The following SLIT3 variants were observed in gnomAD, a reference collection of about 807,000 sequenced individuals.
The protein encoded by SLIT3 is slit homolog 3 protein.
A neutral mutation model predicts 184.0 loss-of-function variants in SLIT3; 68 were observed. The observed-to-expected ratio is 0.37, with a 90% CI of 0.30 to 0.45. The LOEUF is 0.45. SLIT3 is among the 20% of genes least tolerant of loss of function. The probability of loss-of-function intolerance (pLI) is 1.00; values close to 1 mark genes in which losing one functional copy is unlikely to be tolerated. For missense variants in SLIT3, 1,707 were observed against 2,026.0 expected, an observed-to-expected ratio of 0.84 and a Z score of 3.02; for synonymous variants, 831 against 828.6, an observed-to-expected ratio of 1.00 and a Z score of -0.05.
intron 4 of SLIT3, among the ~76,000 whole-genome samples, chr5:169,032,905 G>A (rs1185168631): frequency 7.2e-6 from 1 of 139,008 alleles, no homozygotes; most frequent in African/African-American, 2.6e-5. Context: ...CATCTCATAA[G>A]TATCCATTTT....
chr5:168,813,815 G>A (rs1757242572), intron 8 of SLIT3, among the ~76,000 whole-genome samples: 1 of 152,188 alleles, frequency 6.6e-6, no homozygotes. Context: ...CACAGGCTGA[G>A]CGAGATAAAG....
intron 4 of SLIT3, among the ~76,000 whole-genome samples, chr5:169,108,686 CA>C (rs771274515): frequency 3.9e-5 from 6 of 152,068 alleles, no homozygotes; most frequent in Admixed American, 2.6e-4. Context: ...GAAGTCCCTC[CA>C]CATGCCATAC....
At chr5:168,928,804 A>G (rs1761905820) in intron 4 of SLIT3, among the ~76,000 whole-genome samples, 1 of 152,154 alleles carries the variant, frequency 6.6e-6, no homozygotes, top group African/African-American at 2.4e-5. Flanking sequence ...TCCCATTTTC[A>G]TGATATTTCT....
At chr5:168,703,226 T>TTGTGTGTGTG (rs370363011) in intron 26 of SLIT3, among the ~76,000 whole-genome samples, 30 of 126,740 alleles carry the variant, frequency 2.4e-4, no homozygotes, top group Admixed American at 8.9e-4. Context: ...TCATCCCACT[T>TTGTGTGTGTG]TGTGTGTGTG....
At chr5:168,790,610 G>A (rs1756332073) in intron 10 of SLIT3, 1 of 152,124 alleles carries the variant, frequency 6.6e-6, no homozygotes, top group South Asian at 2.1e-4. Flanking sequence ...AATTTCCTGC[G>A]ACATCAAACC....
intron 11 of SLIT3, among the ~76,000 whole-genome samples, chr5:168,789,093 T>C (rs1181203394): frequency 6.6e-6 from 1 of 151,842 alleles, no homozygotes; most frequent in African/African-American, 2.4e-5. Flanking sequence ...TAGGATGGGG[T>C]GGATGTTTTC....
At chr5:169,255,717 A>G (rs764628862) in intron 1 of SLIT3, among the ~76,000 whole-genome samples, 1 of 152,144 alleles carries the variant, frequency 6.6e-6, no homozygotes, top group Non-Finnish European at 1.5e-5. Context: ...CCCCGTCTCT[A>G]CTAAAAATAC....
intron 5 of SLIT3, among the ~76,000 whole-genome samples, chr5:168,866,780 ACCCCACTG>A (rs1759318640): frequency 6.6e-6 from 1 of 152,140 alleles, no homozygotes; most frequent in Non-Finnish European, 1.5e-5. Context: ...AATCCCACCA[ACCCCACTG>A]GGTTGTTACA....
chr5:169,177,770 T>C (rs1200561721), intron 4 of SLIT3, among the ~76,000 whole-genome samples: 1 of 152,208 alleles, frequency 6.6e-6, no homozygotes, highest in African/African-American at 2.4e-5. Context: ...TAATGGATTG[T>C]CTTCCCTAGA....
intron 1 of SLIT3, among the ~76,000 whole-genome samples, chr5:169,291,991 A>G (rs1767372985): frequency 6.6e-6 from 1 of 152,204 alleles, no homozygotes; most frequent in South Asian, 2.1e-4. Context: ...AGGCACAAAG[A>G]AAGGCTCAAT....
At chr5:169,119,456 C>A (rs140396933) in intron 4 of SLIT3, among the ~76,000 whole-genome samples, 4,524 of 152,272 alleles carry the variant, frequency 0.03, 85 homozygotes, top group Non-Finnish European at 0.043. Context: ...ATTAACCCAG[C>A]AGGAAGGACT....
At chr5:168,902,555 T>C (rs141804645) in intron 4 of SLIT3, among the ~76,000 whole-genome samples, 12 of 152,220 alleles carry the variant, frequency 7.9e-5, no homozygotes, top group African/African-American at 2.9e-4. Flanking sequence ...GGGGGACTGA[T>C]GCAGCCGTTC....
chr5:169,210,882 G>GGGAA (rs1336300794), intron 3 of SLIT3, among the ~76,000 whole-genome samples: 1 of 152,178 alleles, frequency 6.6e-6, no homozygotes, highest in African/African-American at 2.4e-5. Flanking sequence ...CCATTAAAGT[G>GGGAA]GGAAGTATAT....
chr5:168,677,063 G>A (rs561148953), intron 32 of SLIT3, among the ~76,000 whole-genome samples: 108 of 152,270 alleles, frequency 7.1e-4, no homozygotes, highest in Admixed American at 1.6e-3. Flanking sequence ...CCCCAGTGCT[G>A]GGCTTCCTGG....
At chr5:169,115,076 A>AG (rs1760606118) in intron 4 of SLIT3, among the ~76,000 whole-genome samples, 1 of 152,162 alleles carries the variant, frequency 6.6e-6, no homozygotes, top group Non-Finnish European at 1.5e-5. Context: ...GGGTCTCATG[A>AG]GCTGCCTGGG....
intron 3 of SLIT3, among the ~76,000 whole-genome samples, chr5:169,216,673 G>A (rs1429948478): frequency 6.6e-6 from 1 of 152,250 alleles, no homozygotes; most frequent in African/African-American, 2.4e-5. Flanking sequence ...GTAATTCCTC[G>A]ATGGTTATCT....
At chr5:169,271,772 A>C (rs1429653071) in intron 1 of SLIT3, among the ~76,000 whole-genome samples, 1 of 152,202 alleles carries the variant, frequency 6.6e-6, no homozygotes, top group Non-Finnish European at 1.5e-5. Context: ...CCATGAGTCC[A>C]AGTCTCCTTT....
At chr5:168,812,248 A>C (rs1241772497) in intron 8 of SLIT3, among the ~76,000 whole-genome samples, 4 of 152,182 alleles carry the variant, frequency 2.6e-5, no homozygotes, top group African/African-American at 9.6e-5. Flanking sequence ...CGCATGTATG[A>C]AGTTATGGTT....
chr5:168,998,601 G>A (rs1200390370), intron 4 of SLIT3, among the ~76,000 whole-genome samples: 1 of 152,064 alleles, frequency 6.6e-6, no homozygotes, highest in African/African-American at 2.4e-5. Flanking sequence ...CTACTCAGGA[G>A]GCCGAGGCAG....
Sources: allele counts gnomAD v4.1 joint callset (sites outside exome capture counted in the v4.1 genomes callset), GRCh38; gene constraint gnomAD v4.1.1; transcripts MANE v1.5; gene names NCBI Gene and HGNC (gene_info 2026-07-23, HGNC 2026-07-21).